The following THRB variants were observed in gnomAD, a reference collection of about 807,000 sequenced individuals.
THRB encodes nuclear receptor subfamily 1 group A member 2.
A neutral mutation model predicts 47.8 loss-of-function variants in THRB; 12 were observed. That is an observed-to-expected ratio of 0.25 (90% CI 0.16 to 0.41). The LOEUF (loss-of-function observed/expected upper bound fraction) is 0.41, where lower values mean the gene tolerates loss of function less well. THRB is among the 10% of genes least tolerant of loss of function. THRB has a pLI of 1.00. For missense variants in THRB, 348 were observed against 589.2 expected (o/e 0.59, Z 4.24); for synonymous variants, 218 against 212.2 (o/e 1.03, Z -0.24).
At chr3:24,451,229 CTTTTT>C (rs71057674) in intron 1 of THRB, among the ~76,000 whole-genome samples, 2 of 95,360 alleles carry the variant, frequency 2.1e-5, no homozygotes, top group African/African-American at 8.7e-5. Flanking sequence ...ACTACATGTA[CTTTTT>C]TTTTTTTTTT....
At chr3:24,265,952 ATGTC>A (rs1380582909) in intron 3 of THRB, among the ~76,000 whole-genome samples, 3 of 152,204 alleles carry the variant, frequency 2.0e-5, no homozygotes, top group African/African-American at 4.8e-5. Context: ...ATGAGAATGA[ATGTC>A]TGTATTTTCT....
intron 1 of THRB, chr3:24,459,058 A>G (rs1271871682): frequency 6.6e-6 from 1 of 152,074 alleles, no homozygotes; most frequent in East Asian, 1.9e-4. Flanking sequence ...TGCTGCACCC[A>G]TCAACCTGTC....
intron 3 of THRB, among the ~76,000 whole-genome samples, chr3:24,235,942 A>G (rs142287926): frequency 6.6e-6 from 1 of 152,252 alleles, no homozygotes; most frequent in East Asian, 1.9e-4. Context: ...ACTGGAGTTC[A>G]TGGGATGGGG....
chr3:24,316,898 C>T (rs1345963564), intron 2 of THRB, among the ~76,000 whole-genome samples: 3 of 152,204 alleles, frequency 2.0e-5, no homozygotes, highest in Non-Finnish European at 4.4e-5. Flanking sequence ...CACTCCTTTT[C>T]GTGAAAGGCT....
chr3:24,380,449 C>T (rs988105645), intron 1 of THRB, among the ~76,000 whole-genome samples: 1 of 151,866 alleles, frequency 6.6e-6, no homozygotes, highest in Non-Finnish European at 1.5e-5. Context: ...CAGGTATACT[C>T]CATTTACTAC....
chr3:24,191,552 GCTGA>G (rs2043347712), intron 4 of THRB, among the ~76,000 whole-genome samples: 1 of 152,116 alleles, frequency 6.6e-6, no homozygotes, highest in Non-Finnish European at 1.5e-5. Context: ...TGAATTTTAA[GCTGA>G]CTTTCAAACA....
intron 4 of THRB, among the ~76,000 whole-genome samples, chr3:24,226,547 G>A (rs1046173520): frequency 3.3e-5 from 5 of 152,136 alleles, no homozygotes; most frequent in African/African-American, 4.8e-5. Context: ...CCTTCACTAG[G>A]AGGCAGCTGG....
At chr3:24,428,366 G>A (rs778848409) in intron 1 of THRB, among the ~76,000 whole-genome samples, 1 of 151,984 alleles carries the variant, frequency 6.6e-6, no homozygotes, top group South Asian at 2.1e-4. Flanking sequence ...AATGTTCTTT[G>A]CTGTATGATA....
chr3:24,239,403 C>A (rs539513845), intron 3 of THRB, among the ~76,000 whole-genome samples: 1 of 151,930 alleles, frequency 6.6e-6, no homozygotes, highest in Admixed American at 6.6e-5. Flanking sequence ...AGGAATGCAC[C>A]AGAGCAATTA....
chr3:24,437,333 G>C (rs923164243), intron 1 of THRB, among the ~76,000 whole-genome samples: 8 of 151,976 alleles, frequency 5.3e-5, no homozygotes, highest in Non-Finnish European at 1.0e-4. Context: ...AGTTACAAAA[G>C]TGTATCTCAT....
chr3:24,405,461 G>A (rs1014629817), intron 1 of THRB, among the ~76,000 whole-genome samples: 6 of 151,890 alleles, frequency 4.0e-5, no homozygotes, highest in African/African-American at 1.4e-4. Flanking sequence ...GAAAAAGTTT[G>A]TGGGCCTTTG....
intron 6 of THRB, among the ~76,000 whole-genome samples, chr3:24,148,836 A>G (rs2036497996): frequency 6.6e-6 from 1 of 152,236 alleles, no homozygotes; most frequent in Admixed American, 6.5e-5. Flanking sequence ...ACTGAGACTA[A>G]CAGACTTGAT....
intron 3 of THRB, among the ~76,000 whole-genome samples, chr3:24,296,738 C>G (rs997546660): frequency 2.0e-5 from 3 of 152,076 alleles, no homozygotes; most frequent in Admixed American, 6.6e-5. Context: ...AACTCCAGCA[C>G]CAAGGAGGGG....
intron 1 of THRB, among the ~76,000 whole-genome samples, chr3:24,361,719 T>C (rs6781111): frequency 0.24 from 36,882 of 152,076 alleles, 4,802 homozygotes; most frequent in Admixed American, 0.38. Flanking sequence ...ATGTATGGAT[T>C]TGTTTGCCAG....
chr3:24,279,674 C>T (rs917022550), intron 3 of THRB, among the ~76,000 whole-genome samples: 40 of 151,878 alleles, frequency 2.6e-4, no homozygotes, highest in African/African-American at 9.2e-4. Flanking sequence ...GGATTACAGG[C>T]GTGAGCCACC....
chr3:24,133,114 C>T lies in THRB; in HGVS notation c.885+202G>A, dbSNP rs538841404. Among the ~76,000 whole-genome samples the T allele has an allele frequency of 4.0e-4, 61 of 152,220 alleles. No individual in the cohort carries two copies. The highest frequency in any genetic ancestry group is 1.2e-3 in the African/African-American group (48 of 41,528). ...GAATAGGATCTTGATGGGCCTTACACGGACAAGCTAATGAATGATGACTAA... is the reference window on the plus strand; with the variant it reads ...GAATAGGATCTTGATGGGCCTTACATGGACAAGCTAATGAATGATGACTAA... On this transcript the variant is annotated intron_variant, in intron 9 of 10. Coordinates refer to ENST00000646209, the MANE Select transcript of THRB (RefSeq NM_001354712.2).
Position 24,119,386 on chromosome 3 carries a change from G to A in THRB, c.*3498C>T, listed in dbSNP as rs1211839360. On this transcript the variant is annotated 3_prime_UTR_variant, in exon 11 of 11. Coordinates refer to ENST00000646209, the MANE Select transcript of THRB (RefSeq NM_001354712.2). ...AAATGCTGGCTACATTTCAAAAACT[G>A]TAAGACTGATTTCATAATTTATGAC... The A allele has an allele frequency of 6.6e-6, 1 of 152,164 alleles. No homozygotes were observed. Among genetic ancestry groups the A allele is most frequent in the Non-Finnish European group, 1.5e-5 (1 of 68,030 alleles). 9.4% of individuals were successfully genotyped at this position (152,164 alleles called of 1,614,324 possible).
chr3:24,201,794 T>C (rs1033275000), intron 4 of THRB, among the ~76,000 whole-genome samples: 2 of 152,052 alleles, frequency 1.3e-5, no homozygotes, highest in Non-Finnish European at 2.9e-5. Flanking sequence ...AATGGAAAAA[T>C]CCAAACACCA....
At chr3:24,335,409 G>A (rs1411146810) in intron 2 of THRB, among the ~76,000 whole-genome samples, 1 of 152,172 alleles carries the variant, frequency 6.6e-6, no homozygotes, top group Admixed American at 6.5e-5. Context: ...ACTTTAGACT[G>A]GATCCAATAA....
Sources: gnomAD v4.1 joint callset for allele counts (sites outside exome capture counted in the v4.1 genomes callset) on GRCh38, gnomAD v4.1.1 for gene constraint, MANE v1.5 for transcripts, NCBI Gene and HGNC (gene_info 2026-07-23, HGNC 2026-07-21) for gene names.